DLG2: variants seen among roughly 807,000 people sequenced by gnomAD.
DLG2 encodes the protein disks large homolog 2.
A neutral mutation model predicts 132.5 loss-of-function variants in DLG2; 45 were observed. That is an observed-to-expected ratio of 0.34 (90% CI 0.27 to 0.44). DLG2 has a LOEUF of 0.44. Among genes scored for constraint, DLG2 ranks in the 20% least tolerant of loss-of-function variants. The pLI is 1.00. For synonymous variants in DLG2, 424 were observed against 419.6 expected (o/e 1.01, Z -0.13); for missense variants, 1,045 against 1,196.9 (o/e 0.87, Z 1.87).
chr11:84,380,438 C>G (rs2098745358), intron 7 of DLG2, among the ~76,000 whole-genome samples: 1 of 151,910 alleles, frequency 6.6e-6, no homozygotes, highest in South Asian at 2.1e-4. Context: ...AATGAGAAAT[C>G]AGGAATAAAG....
At chr11:84,862,362 A>G (rs985795893) in intron 6 of DLG2, among the ~76,000 whole-genome samples, 1 of 152,072 alleles carries the variant, frequency 6.6e-6, no homozygotes, top group African/African-American at 2.4e-5. Flanking sequence ...ATGCTTTTAC[A>G]CTGTTGGTGG....
intron 19 of DLG2, among the ~76,000 whole-genome samples, chr11:83,543,695 C>T (rs115441488): frequency 0.019 from 2,920 of 152,152 alleles, 95 homozygotes; most frequent in African/African-American, 0.066. Context: ...ACAAATGGAC[C>T]TGGCACACAG....
At chr11:85,288,637 T>G (rs1481032506) in intron 3 of DLG2, among the ~76,000 whole-genome samples, 1 of 151,670 alleles carries the variant, frequency 6.6e-6, no homozygotes, top group Non-Finnish European at 1.5e-5. Context: ...CCAGTCCTGG[T>G]AACAGAACAA....
At chr11:85,244,543 A>G (rs575322240) in intron 4 of DLG2, among the ~76,000 whole-genome samples, 14 of 151,976 alleles carry the variant, frequency 9.2e-5, no homozygotes, top group African/African-American at 2.7e-4. Context: ...GGTGTAATGA[A>G]TTTGTGACAA....
At chr11:84,729,328 C>T (rs796179648) in intron 6 of DLG2, among the ~76,000 whole-genome samples, 66 of 151,864 alleles carry the variant, frequency 4.3e-4, no homozygotes, top group African/African-American at 1.5e-3. Context: ...TTTCTGCCTT[C>T]GTTATTTACC....
intron 18 of DLG2, among the ~76,000 whole-genome samples, chr11:83,705,889 C>T (rs367925978): frequency 3.3e-5 from 5 of 152,214 alleles, no homozygotes; most frequent in South Asian, 2.1e-4. Flanking sequence ...GCAGTCATCG[C>T]GCACACCAAC....
chr11:84,126,845 T>G (rs2094197584), intron 9 of DLG2, among the ~76,000 whole-genome samples: 1 of 152,212 alleles, frequency 6.6e-6, no homozygotes, highest in Non-Finnish European at 1.5e-5. Flanking sequence ...GGTAATAGAA[T>G]GTCTGTCTAG....
chr11:84,227,839 G>A (rs111976454), intron 8 of DLG2, among the ~76,000 whole-genome samples: 4,808 of 151,466 alleles, frequency 0.032, 242 homozygotes, highest in African/African-American at 0.11. Context: ...ACTTGAACTC[G>A]GGAGGCGGAG....
intron 6 of DLG2, among the ~76,000 whole-genome samples, chr11:84,539,607 C>A (rs942194991): frequency 6.6e-6 from 1 of 152,100 alleles, no homozygotes; most frequent in Admixed American, 6.5e-5. Flanking sequence ...GGAAAGTCAT[C>A]GGTAGCTTGA....
At position 84,242,122 on chromosome 11, in the gene DLG2, C is replaced by T. The variant is rs541635998; in HGVS notation, c.573+9116G>A. 8.5e-5 allele frequency among the ~76,000 whole-genome samples: 13 copies of T among 152,270 alleles called. No homozygotes were observed. The East Asian group carries it at 1.5e-3, about 18-fold the overall frequency. On this transcript the variant is annotated intron_variant, in intron 8 of 27. Transcript: ENST00000376104. ...TTTAGGGGAACCCCTCTAAGAAAGACGGGCCAATATTGCTACTTTCACATA... is the reference window on the plus strand; with the variant it reads ...TTTAGGGGAACCCCTCTAAGAAAGATGGGCCAATATTGCTACTTTCACATA...
intron 3 of DLG2, among the ~76,000 whole-genome samples, chr11:85,324,721 T>A (rs140222225): frequency 6.6e-6 from 1 of 151,812 alleles, no homozygotes; most frequent in African/African-American, 2.4e-5. Flanking sequence ...TTTAGGTGAC[T>A]GAAAAACGGT....
intron 3 of DLG2, among the ~76,000 whole-genome samples, chr11:85,430,117 C>A (rs911648193): frequency 2.0e-5 from 3 of 150,542 alleles, no homozygotes; most frequent in African/African-American, 7.3e-5. Flanking sequence ...GACAAAAAAA[C>A]CAAACACCAC....
intron 9 of DLG2, among the ~76,000 whole-genome samples, chr11:84,130,659 A>G (rs2094386062): frequency 1.3e-5 from 2 of 151,836 alleles, no homozygotes; most frequent in Admixed American, 1.3e-4. Context: ...ATCATGTATT[A>G]CTGCTTCTTT....
At chr11:85,600,379 AAACACTTT>A (rs2080069678) in intron 2 of DLG2, among the ~76,000 whole-genome samples, 1 of 152,190 alleles carries the variant, frequency 6.6e-6, no homozygotes, top group East Asian at 1.9e-4. Flanking sequence ...ACACTCTTGA[AAACACTTT>A]TTTCACTAGG....
intron 4 of DLG2, among the ~76,000 whole-genome samples, chr11:85,206,045 T>TG (rs2081868415): frequency 6.6e-6 from 1 of 152,128 alleles, no homozygotes; most frequent in Admixed American, 6.5e-5. Context: ...GATTTGATCA[T>TG]GGGGGGCAGA....
At chr11:84,833,656 G>C (rs2079328602) in intron 6 of DLG2, among the ~76,000 whole-genome samples, 2 of 151,220 alleles carry the variant, frequency 1.3e-5, no homozygotes, top group African/African-American at 4.9e-5. Context: ...GGTGGCAGTT[G>C]TGGGGGGGTG....
chr11:85,573,544 AGTGCCAGT>A (rs1424167669), intron 3 of DLG2, among the ~76,000 whole-genome samples: 3 of 152,088 alleles, frequency 2.0e-5, no homozygotes, highest in Non-Finnish European at 4.4e-5. Flanking sequence ...GTGACAGCCA[AGTGCCAGT>A]GTGCCAGTAT....
intron 10 of DLG2, among the ~76,000 whole-genome samples, chr11:84,066,488 G>T (rs74656561): frequency 0.012 from 1,895 of 152,280 alleles, 39 homozygotes; most frequent in African/African-American, 0.042. Flanking sequence ...GGCCGGGAGC[G>T]ATGGCTTATG....
chr11:84,219,207 A>C (rs1204856911), intron 8 of DLG2, among the ~76,000 whole-genome samples: 1 of 152,214 alleles, frequency 6.6e-6, no homozygotes, highest in Non-Finnish European at 1.5e-5. Context: ...GTATTACAAT[A>C]ATTTCCTAAA....
Sources: allele counts gnomAD v4.1 joint callset (sites outside exome capture counted in the v4.1 genomes callset), GRCh38; gene constraint gnomAD v4.1.1; transcripts MANE v1.5; gene names NCBI Gene and HGNC (gene_info 2026-07-23, HGNC 2026-07-21).